Variants in EPHA4 observed in about 807,000 individuals in gnomAD.
EPHA4 encodes ephrin type-A receptor 4.
EPHA4 carries 19 observed loss-of-function variants against 108.3 expected under a neutral mutation model. The ratio of observed to expected loss-of-function variants is 0.18; its 90% CI spans 0.12 to 0.26. The LOEUF (loss-of-function observed/expected upper bound fraction) is 0.26. Among genes scored for constraint, EPHA4 ranks in the 10% least tolerant of loss-of-function variants. EPHA4 has a pLI of 1.00. For missense variants in EPHA4, 917 were observed against 1,254.0 expected (o/e 0.73, Z 4.06); for synonymous variants, 449 against 455.5 (o/e 0.99, Z 0.18).
chr2:221,547,819 G>A (rs973362813), intron 3 of EPHA4, among the ~76,000 whole-genome samples: 1 of 152,154 alleles, frequency 6.6e-6, no homozygotes, highest in African/African-American at 2.4e-5. Context: ...ATCATTTCGT[G>A]CCCTGGCCTT....
rs1387651166 is a variant in EPHA4 at position 221,430,086 on chromosome 2, G to A, written c.2562C>T (p.His854=). Residue 854 remains histidine (H), a synonymous_variant, in exon 15 of 18, where the codon CAC becomes CAT. Coordinates refer to ENST00000281821, the MANE Select transcript of EPHA4 (RefSeq NM_004438.5). ...PPPMDCPIAL[H]QLMLDCWQKE... Reference sequence around the variant, plus strand: ...TCTGCCAGCAGTCTAGCATCAGCTGGTGGAGCGCAATGGGGCAGTCCATTG... The same window carrying A: ...TCTGCCAGCAGTCTAGCATCAGCTGATGGAGCGCAATGGGGCAGTCCATTG... 6.2e-7 allele frequency: 1 copy of A among 1,613,830 alleles called. No homozygotes were observed. Among genetic ancestry groups the A allele is most frequent in the East Asian group, 2.2e-5 (1 of 44,870 alleles).
intron 14 of EPHA4, among the ~76,000 whole-genome samples, chr2:221,432,818 AT>A (rs34200694): frequency 0.017 from 1,482 of 89,052 alleles, 14 homozygotes; most frequent in African/African-American, 0.052. Flanking sequence ...AAATCTTTGT[AT>A]TTTTTTTTTT....
intron 2 of EPHA4, among the ~76,000 whole-genome samples, chr2:221,567,558 G>A (rs760982310): frequency 6.6e-6 from 1 of 152,164 alleles, no homozygotes; most frequent in Non-Finnish European, 1.5e-5. Context: ...TGGCAGTCAA[G>A]TTCAGGCAGA....
chr2:221,546,651 T>C (rs1490575917), intron 3 of EPHA4, among the ~76,000 whole-genome samples: 2 of 152,192 alleles, frequency 1.3e-5, no homozygotes, highest in African/African-American at 4.8e-5. Context: ...CACTAAGCTA[T>C]GGCTTAGAAG....
chr2:221,423,355 G>T (rs1689810462), intron 17 of EPHA4, among the ~76,000 whole-genome samples: 2 of 152,114 alleles, frequency 1.3e-5, no homozygotes, highest in African/African-American at 4.8e-5. Flanking sequence ...CTGCGCCCTG[G>T]GAAACAATGC....
At chr2:221,503,240 C>A (rs1226994688) in intron 3 of EPHA4, among the ~76,000 whole-genome samples, 2 of 152,190 alleles carry the variant, frequency 1.3e-5, no homozygotes, top group African/African-American at 2.4e-5. Flanking sequence ...CAGAAAACTG[C>A]ATATTACTGA....
intron 8 of EPHA4, among the ~76,000 whole-genome samples, chr2:221,448,493 A>G (rs1690667804): frequency 6.6e-6 from 1 of 152,190 alleles, no homozygotes; most frequent in Admixed American, 6.5e-5. Flanking sequence ...AAATACCCTG[A>G]AGCCAAACAA....
At chr2:221,457,242 A>C (rs1474070217) in intron 6 of EPHA4, among the ~76,000 whole-genome samples, 1 of 152,234 alleles carries the variant, frequency 6.6e-6, no homozygotes, top group Non-Finnish European at 1.5e-5. Flanking sequence ...AAGAAAAAGA[A>C]GACAACTGTT....
intron 3 of EPHA4, among the ~76,000 whole-genome samples, chr2:221,503,381 A>G (rs1044970225): frequency 6.6e-6 from 1 of 152,106 alleles, no homozygotes; most frequent in Non-Finnish European, 1.5e-5. Flanking sequence ...CATATTTGAA[A>G]AGCTATTCTG....
chr2:221,466,737 C>T (rs1414567379), intron 5 of EPHA4, among the ~76,000 whole-genome samples: 3 of 152,132 alleles, frequency 2.0e-5, no homozygotes, highest in East Asian at 1.9e-4. Flanking sequence ...TTATTATCCT[C>T]ATTTTTATAG....
At chr2:221,544,210 C>G (rs553479554) in intron 3 of EPHA4, among the ~76,000 whole-genome samples, 2 of 151,700 alleles carry the variant, frequency 1.3e-5, no homozygotes, top group South Asian at 4.1e-4. Flanking sequence ...ATCATCGTAC[C>G]AAGCTACACT....
intron 5 of EPHA4, among the ~76,000 whole-genome samples, chr2:221,463,071 T>C (rs1206740940): frequency 6.6e-6 from 1 of 152,160 alleles, no homozygotes; most frequent in Non-Finnish European, 1.5e-5. Flanking sequence ...AGTTACTACA[T>C]ATGCAACAGC....
chr2:221,557,154 T>C (rs966053321), intron 3 of EPHA4, among the ~76,000 whole-genome samples: 2 of 152,174 alleles, frequency 1.3e-5, no homozygotes, highest in Admixed American at 6.5e-5. Flanking sequence ...TTGGGGAACA[T>C]AGCTGGACCA....
intron 3 of EPHA4, among the ~76,000 whole-genome samples, chr2:221,530,675 G>A (rs1693485356): frequency 6.6e-6 from 1 of 152,180 alleles, no homozygotes. Flanking sequence ...TGAGGGCTTT[G>A]GGTATATGAT....
rs17370971 is a variant in EPHA4 at position 221,419,557 on chromosome 2, C to T, written c.*1815G>A. The T allele has an allele frequency of 0.13, 19,404 of 152,654 alleles. 1,434 individuals carry two copies. Among genetic ancestry groups the T allele is most frequent in the South Asian group, 0.21 (1,023 of 4,812 alleles). The allele number at this position is 152,654 out of a possible 1,614,324, so 9.5% of individuals were successfully genotyped here. On this transcript the variant is annotated 3_prime_UTR_variant, in exon 18 of 18. Coordinates refer to ENST00000281821, the MANE Select transcript of EPHA4 (RefSeq NM_004438.5). The stretch of plus-strand genomic sequence containing the variant: ...CCATTTGGGGTTACCAGACACATTC[C>T]ATCTCCTTCTCTCTCTCCATCAAGG...
intron 3 of EPHA4, among the ~76,000 whole-genome samples, chr2:221,555,189 A>T (rs1471799680): frequency 2.6e-5 from 4 of 152,202 alleles, no homozygotes; most frequent in Non-Finnish European, 4.4e-5. Flanking sequence ...GCATAAAAAG[A>T]GCCCTGTGCA....
intron 4 of EPHA4, among the ~76,000 whole-genome samples, chr2:221,490,529 A>G (rs1239330183): frequency 1.3e-5 from 2 of 152,202 alleles, no homozygotes; most frequent in African/African-American, 4.8e-5. Flanking sequence ...CACTGCTGTC[A>G]CCTCACTAAA....
intron 3 of EPHA4, among the ~76,000 whole-genome samples, chr2:221,518,443 A>G (rs1693053719): frequency 6.6e-6 from 1 of 152,156 alleles, no homozygotes; most frequent in Non-Finnish European, 1.5e-5. Flanking sequence ...TCAGATCCAT[A>G]GCAGCTGCAA....
chr2:221,550,100 G>T (rs570971297), intron 3 of EPHA4, among the ~76,000 whole-genome samples: 173 of 152,290 alleles, frequency 1.1e-3, no homozygotes, highest in African/African-American at 3.9e-3. Context: ...AGGCTAAAAA[G>T]ATACCAAATC....
Sources: allele counts gnomAD v4.1 joint callset (sites outside exome capture counted in the v4.1 genomes callset), GRCh38; gene constraint gnomAD v4.1.1; transcripts MANE v1.5; gene names NCBI Gene and HGNC (gene_info 2026-07-23, HGNC 2026-07-21).